Variants in RIGI observed in about 807,000 individuals in gnomAD.
RIGI encodes antiviral innate immune response receptor RIG-I.
At chr9:32,473,204 A>C in the RIGI span, 1 of 487,540 alleles carries the variant, frequency 2.1e-6, no homozygotes, top group Non-Finnish European at 3.5e-6. Flanking sequence ...TGAGAAAAAA[A>C]GCATTTTGGA....
At chr9:32,494,856 C>CT in the RIGI span, among the ~76,000 whole-genome samples, 261 of 147,974 alleles carry the variant, frequency 1.8e-3, 1 homozygote, top group African/African-American at 5.6e-3. Context: ...CCAGGATTTC[C>CT]TTTTTTTTTT....
the RIGI span, among the ~76,000 whole-genome samples, chr9:32,520,755 T>C: frequency 6.6e-6 from 1 of 152,132 alleles, no homozygotes; most frequent in Non-Finnish European, 1.5e-5. Flanking sequence ...AGGGTTTTCT[T>C]GGAGCATTAC....
chr9:32,466,318 G>A, the RIGI span: 3 of 1,613,684 alleles, frequency 1.9e-6, no homozygotes. Context: ...TTCGTCCCAT[G>A]TCTGAAGGCG....
At chr9:32,502,997 C>A in the RIGI span, among the ~76,000 whole-genome samples, 1 of 152,324 alleles carries the variant, frequency 6.6e-6, no homozygotes, top group Admixed American at 6.5e-5. Context: ...AGGACTTTAA[C>A]ATATATTTTG....
the RIGI span, among the ~76,000 whole-genome samples, chr9:32,473,529 C>T: frequency 1.3e-5 from 2 of 152,034 alleles, no homozygotes; most frequent in Non-Finnish European, 2.9e-5. Context: ...TCGTGATCCA[C>T]CCACCTCATC....
At chr9:32,504,068 C>CACACACACACACACACACA in the RIGI span, among the ~76,000 whole-genome samples, 55 of 151,288 alleles carry the variant, frequency 3.6e-4, no homozygotes, top group South Asian at 8.4e-4. Context: ...CACACACACA[C>CACACACACACACACACACA]CCAGGTCTGC....
the RIGI span, chr9:32,501,062 G>C: frequency 8.1e-7 from 1 of 1,235,204 alleles, no homozygotes; most frequent in Non-Finnish European, 1.1e-6. Context: ...TCACAGCATT[G>C]GAAGAATCTT....
chr9:32,523,274 C>T, the RIGI span, among the ~76,000 whole-genome samples: 1 of 152,096 alleles, frequency 6.6e-6, no homozygotes, highest in Non-Finnish European at 1.5e-5. Context: ...AACAATTGCA[C>T]CCACTCTCAT....
chr9:32,482,174 T>C, the RIGI span, among the ~76,000 whole-genome samples: 1 of 149,070 alleles, frequency 6.7e-6, no homozygotes, highest in Admixed American at 6.7e-5. Flanking sequence ...AAGCAGTGCA[T>C]CTGTGTGTTT....
chr9:32,489,383 C>T, the RIGI span: 2 of 1,613,128 alleles, frequency 1.2e-6, no homozygotes, highest in African/African-American at 2.7e-5. Flanking sequence ...CCTTTCATAG[C>T]AGGCAAAGCA....
chr9:32,526,156 T>A, the RIGI span: 1 of 1,612,648 alleles, frequency 6.2e-7, no homozygotes, highest in Admixed American at 1.7e-5. Context: ...GCGTCGCTGC[T>A]CGGTGGTCAT....
chr9:32,518,381 G>T, the RIGI span, among the ~76,000 whole-genome samples: 1 of 147,558 alleles, frequency 6.8e-6, no homozygotes. Context: ...TAAAATGACT[G>T]TTTAAAAAAA....
At chr9:32,470,396 A>G in the RIGI span, among the ~76,000 whole-genome samples, 1 of 152,242 alleles carries the variant, frequency 6.6e-6, no homozygotes, top group East Asian at 1.9e-4. Context: ...ATAGTTGGAA[A>G]GCAGCCACAG....
At chr9:32,487,983 C>A in the RIGI span, 1 of 1,613,952 alleles carries the variant, frequency 6.2e-7, no homozygotes, top group Non-Finnish European at 8.5e-7. Flanking sequence ...AGTTTCTGAT[C>A]TAGATAATTA....
chr9:32,485,719 T>G, the RIGI span, among the ~76,000 whole-genome samples: 2 of 151,998 alleles, frequency 1.3e-5, no homozygotes, highest in Non-Finnish European at 2.9e-5. Flanking sequence ...TTTTGTATTT[T>G]TAGTAGAGAC....
chr9:32,466,705 A>C, the RIGI span, among the ~76,000 whole-genome samples: 3 of 150,376 alleles, frequency 2.0e-5, no homozygotes, highest in Non-Finnish European at 3.0e-5. Flanking sequence ...AAAAAAAAAA[A>C]AAAAAAAAAA....
At chr9:32,488,050 C>A in the RIGI span, 1 of 1,614,082 alleles carries the variant, frequency 6.2e-7, no homozygotes, top group Non-Finnish European at 8.5e-7. Context: ...CATCAAATAT[C>A]ATCAAAGTAA....
the RIGI span, among the ~76,000 whole-genome samples, chr9:32,499,115 T>C: frequency 1.3e-5 from 2 of 152,116 alleles, no homozygotes; most frequent in African/African-American, 2.4e-5. Context: ...AATTCCCAAA[T>C]TCCTAATTGG....
At chr9:32,483,908 T>C in the RIGI span, among the ~76,000 whole-genome samples, 1 of 152,112 alleles carries the variant, frequency 6.6e-6, no homozygotes, top group African/African-American at 2.4e-5. Flanking sequence ...CCAGCTGCTT[T>C]AGTATTAGTA....
Sources: gnomAD v4.1 joint callset for allele counts (sites outside exome capture counted in the v4.1 genomes callset) on GRCh38, gnomAD v4.1.1 for gene constraint, MANE v1.5 for transcripts, NCBI Gene and HGNC (gene_info 2026-07-23, HGNC 2026-07-21) for gene names.